The following RNF220 variants were observed in gnomAD, a reference collection of about 807,000 sequenced individuals.
RNF220 encodes the protein ring finger protein 220.
RNF220 carries 7 observed loss-of-function variants against 67.1 expected under a neutral mutation model. The ratio of observed to expected loss-of-function variants is 0.10; its 90% CI spans 0.06 to 0.20. The LOEUF is 0.20. Ranked by LOEUF, RNF220 falls within the 10% of genes least tolerant of loss-of-function variation. The pLI is 1.00. For missense variants in RNF220, 565 were observed against 740.3 expected, an observed-to-expected ratio of 0.76 and a Z score of 2.75; for synonymous variants, 270 against 283.2, an observed-to-expected ratio of 0.95 and a Z score of 0.47.
chr1:44,440,299 C>G (rs1389705578), intron 2 of RNF220, among the ~76,000 whole-genome samples: 1 of 152,172 alleles, frequency 6.6e-6, no homozygotes, highest in African/African-American at 2.4e-5. Context: ...TTGGACAGCT[C>G]TGTCCAGAAA....
In RNF220 at chr1:44,405,265, T is replaced by A. The variant is rs1647231827; in HGVS notation, c.-383T>A. 2.2e-5 allele frequency: 9 copies of A among 400,246 alleles called. No homozygotes were observed. The Admixed American group carries it at 2.3e-4, about 10-fold the overall frequency. 24.8% of individuals were successfully genotyped at this position (400,246 alleles called of 1,614,324 possible). On this transcript the variant is annotated 5_prime_UTR_variant, in exon 1 of 15. Transcript: ENST00000361799. Reference sequence around the variant, plus strand: ...GGAGAGTGGAGGCTCATTCACTGATTAGATCCAGCGCTGAGAGGCAGCACT... The same window carrying A: ...GGAGAGTGGAGGCTCATTCACTGATAAGATCCAGCGCTGAGAGGCAGCACT...
chr1:44,527,930 A>AAAAAAAAAG (rs1660514794), intron 2 of RNF220, among the ~76,000 whole-genome samples: 1 of 144,452 alleles, frequency 6.9e-6, no homozygotes, highest in Non-Finnish European at 1.5e-5. Flanking sequence ...CATCCCAAAA[A>AAAAAAAAAG]AAAAAAAAAA....
At chr1:44,604,087 A>G (rs78717998) in intron 2 of RNF220, among the ~76,000 whole-genome samples, 3,476 of 152,308 alleles carry the variant, frequency 0.023, 56 homozygotes, top group Middle Eastern at 0.048. Context: ...GGAAGGCATG[A>G]GAGAGAGTGA....
At chr1:44,554,709 G>A (rs1163598882) in intron 2 of RNF220, among the ~76,000 whole-genome samples, 11 of 152,132 alleles carry the variant, frequency 7.2e-5, no homozygotes, top group Admixed American at 7.2e-4. Context: ...TTCCTTGCAT[G>A]CAGCCAGGTG....
chr1:44,502,153 T>TCACA (rs1327801782), intron 2 of RNF220, among the ~76,000 whole-genome samples: 2 of 116,922 alleles, frequency 1.7e-5, no homozygotes, highest in South Asian at 2.8e-4. Flanking sequence ...TCTCTCTCTC[T>TCACA]CTCTCACACA....
In RNF220 at chr1:44,437,861, A is replaced by G. The variant is rs905074026; in HGVS notation, c.625+25139A>G. On this transcript the variant is annotated intron_variant, in intron 2 of 14. Coordinates refer to ENST00000361799, the MANE Select transcript of RNF220 (RefSeq NM_018150.4). ...CTGGATTTGAATCCTGATTCAATCC[A>G]CTGTGTAACTGTGTGATCTTGCAAC... Among the ~76,000 whole-genome samples, 36 of 152,184 alleles carry G rather than the reference A, an allele frequency of 2.4e-4. 1 individual carries two copies. The highest frequency in any genetic ancestry group is 7.5e-4 in the African/African-American group (31 of 41,438).
chr1:44,635,519 G>A (rs1313010162), intron 6 of RNF220, 26 bp from the exon 7 acceptor site: 2 of 1,611,490 alleles, frequency 1.2e-6, no homozygotes, highest in Non-Finnish European at 8.5e-7. Flanking sequence ...CTTGTTCTGT[G>A]CTTTGTTTTC....
intron 2 of RNF220, among the ~76,000 whole-genome samples, chr1:44,546,757 C>G (rs1313098094): frequency 6.6e-6 from 1 of 152,168 alleles, no homozygotes. Flanking sequence ...GACTTCTGAG[C>G]CAGCTCTGCC....
At chr1:44,465,053 A>T (rs940009170) in intron 2 of RNF220, among the ~76,000 whole-genome samples, 1 of 152,222 alleles carries the variant, frequency 6.6e-6, no homozygotes, top group Non-Finnish European at 1.5e-5. Context: ...AGGGTCTGAC[A>T]CATAGTAAAA....
At chr1:44,497,252 G>T (rs1349199096) in intron 2 of RNF220, among the ~76,000 whole-genome samples, 1 of 151,876 alleles carries the variant, frequency 6.6e-6, no homozygotes, top group Non-Finnish European at 1.5e-5. Flanking sequence ...CTTTCCAGTT[G>T]TGCCTACCCT....
At chr1:44,508,410 T>C (rs781771) in intron 2 of RNF220, among the ~76,000 whole-genome samples, 148,320 of 152,244 alleles carry the variant, frequency 0.97, 72,365 homozygotes, top group Middle Eastern at 1. Context: ...CTTTTTCACC[T>C]CTCCCTCAAA....
chr1:44,485,499 G>A (rs1656206765), intron 2 of RNF220, among the ~76,000 whole-genome samples: 1 of 152,116 alleles, frequency 6.6e-6, no homozygotes, highest in Non-Finnish European at 1.5e-5. Flanking sequence ...CGAAATCACT[G>A]TAGTAAAATC....
At chr1:44,550,531 T>C (rs769375992) in intron 2 of RNF220, among the ~76,000 whole-genome samples, 2 of 152,142 alleles carry the variant, frequency 1.3e-5, no homozygotes, top group Non-Finnish European at 2.9e-5. Flanking sequence ...GATGGGCTGA[T>C]AGGAGGAATA....
rs992376487 is a variant in RNF220, at chr1:44,417,949, G to C, written c.625+5227G>C. 6.6e-6 allele frequency among the ~76,000 whole-genome samples: 1 copy of C among 151,776 alleles called. No homozygotes were observed. Among genetic ancestry groups the C allele is most frequent in the Non-Finnish European group, 1.5e-5 (1 of 67,820 alleles). ...GGAGGACTCCGCGCGCCGCCTCGAG[G>C]GCCGGGAGCGCCCAGCCCGCGGCCG... On this transcript the variant is annotated intron_variant, in intron 2 of 14. Coordinates refer to ENST00000361799, the MANE Select transcript of RNF220 (RefSeq NM_018150.4). The surrounding 1 kb of genome is among the most constrained non-coding windows in gnomAD (Gnocchi z 4.0).
chr1:44,620,898 T>C (rs1643762231), intron 3 of RNF220, among the ~76,000 whole-genome samples: 1 of 150,800 alleles, frequency 6.6e-6, no homozygotes, highest in Non-Finnish European at 1.5e-5. Context: ...CTAATCTGTG[T>C]GGCTGTTGTG....
In RNF220 at chr1:44,475,337, G is replaced by A. The variant is rs866969098; in HGVS notation, c.625+62615G>A. 1.6e-4 allele frequency among the ~76,000 whole-genome samples: 24 copies of A among 152,128 alleles called. 1 individual carries two copies. The South Asian group carries it at 4.4e-3, about 28-fold the overall frequency. ...TGTAATCCCAGCACTTTGGGAGGCC[G>A]AGGCGGGCGGATCACTTAAAGTCAG... On this transcript the variant is annotated intron_variant, in intron 2 of 14. Transcript: ENST00000361799.
intron 2 of RNF220, among the ~76,000 whole-genome samples, chr1:44,601,313 A>G (rs767349686): frequency 5.6e-4 from 85 of 152,294 alleles, no homozygotes; most frequent in Non-Finnish European, 1.0e-3. Flanking sequence ...GAGTCTTTGG[A>G]GCATCTTAGG....
rs146726342 is a variant in RNF220, at chr1:44,449,836, G to A, written c.625+37114G>A. 8.6e-3 allele frequency among the ~76,000 whole-genome samples: 1,304 copies of A among 152,312 alleles called. 17 individuals are homozygous for A. The highest frequency in any genetic ancestry group is 0.03 in the African/African-American group (1,236 of 41,564). On this transcript the variant is annotated intron_variant, in intron 2 of 14. Transcript: ENST00000361799. ...CAGAGATGAATACTTATCAGTTTCT[G>A]TATCTGTAGAAGCAAATACATCTGT...
At chr1:44,543,507 T>C (rs1661850051) in intron 2 of RNF220, among the ~76,000 whole-genome samples, 1 of 151,920 alleles carries the variant, frequency 6.6e-6, no homozygotes, top group Admixed American at 6.6e-5. Context: ...CATTTTTCTT[T>C]GGGGACTGAT....
Sources: gnomAD v4.1 joint callset for allele counts (sites outside exome capture counted in the v4.1 genomes callset) on GRCh38, gnomAD v4.1.1 for gene constraint, Gnocchi (gnomAD v3.1) non-coding constraint, MANE v1.5 for transcripts, NCBI Gene and HGNC (gene_info 2026-07-23, HGNC 2026-07-21) for gene names.